RBM20: variants seen among roughly 807,000 people sequenced by gnomAD.
RBM20 encodes RNA binding motif protein 20, also known as RNA-binding protein 20.
In RBM20, 51 loss-of-function variants were observed where a neutral mutation model predicts 110.1. That is an observed-to-expected ratio of 0.46 (90% CI 0.37 to 0.59). The LOEUF (loss-of-function observed/expected upper bound fraction) is 0.59, where lower values mean the gene tolerates loss of function less well. Among genes scored for constraint, RBM20 ranks in the 20% least tolerant of loss-of-function variants. The pLI, the probability that RBM20 is intolerant of heterozygous loss-of-function variation, is 0.00. For synonymous variants in RBM20, 589 were observed against 618.2 expected (o/e 0.95, Z 0.70); for missense variants, 1,512 against 1,574.9 (o/e 0.96, Z 0.68).
At chr10:110,800,839 A>G (rs1480882349) in intron 7 of RBM20, among the ~76,000 whole-genome samples, 2 of 152,162 alleles carry the variant, frequency 1.3e-5, no homozygotes, top group Non-Finnish European at 1.5e-5. Flanking sequence ...GATGCCATCC[A>G]TGTTGTTGGG....
intron 1 of RBM20, chr10:110,756,670 T>C (rs1463041786): frequency 1.3e-5 from 2 of 152,222 alleles, no homozygotes; most frequent in African/African-American, 4.8e-5. Context: ...TGTTTAAGAC[T>C]TAGCAAAAGA....
At chr10:110,715,458 C>G (rs1356047469) in intron 1 of RBM20, among the ~76,000 whole-genome samples, 1 of 152,208 alleles carries the variant, frequency 6.6e-6, no homozygotes, top group Admixed American at 6.5e-5. Context: ...ATGGCTCAGG[C>G]CATCAAATGT....
intron 1 of RBM20, among the ~76,000 whole-genome samples, chr10:110,698,826 G>A (rs1337920887): frequency 6.6e-6 from 1 of 152,214 alleles, no homozygotes; most frequent in African/African-American, 2.4e-5. Flanking sequence ...GCTGGCAGAG[G>A]ATGGTGACCT....
intron 11 of RBM20, 86 bp downstream of exon 11, chr10:110,822,021 T>C: frequency 2.3e-6 from 3 of 1,312,394 alleles, no homozygotes; most frequent in Non-Finnish European, 3.2e-6. Context: ...CAGGCTGGAA[T>C]GAACATAAGT....
At chr10:110,691,427 T>G (rs1862584004) in intron 1 of RBM20, among the ~76,000 whole-genome samples, 1 of 152,216 alleles carries the variant, frequency 6.6e-6, no homozygotes, top group South Asian at 2.1e-4. Context: ...ATCTCTACAT[T>G]CTCAAACACA....
At chr10:110,793,419 A>G (rs765908532) in intron 5 of RBM20, among the ~76,000 whole-genome samples, 36 of 152,252 alleles carry the variant, frequency 2.4e-4, no homozygotes, top group Non-Finnish European at 3.7e-4. Flanking sequence ...AGACACACCA[A>G]TTAGACTTTC....
At chr10:110,828,763 C>G (rs1443862868) in intron 12 of RBM20, among the ~76,000 whole-genome samples, 3 of 152,106 alleles carry the variant, frequency 2.0e-5, no homozygotes, top group Non-Finnish European at 1.5e-5. Context: ...TTGGGTTTGC[C>G]TCTACATTCT....
At chr10:110,724,389 A>C (rs1169752131) in intron 1 of RBM20, among the ~76,000 whole-genome samples, 1 of 152,224 alleles carries the variant, frequency 6.6e-6, no homozygotes, top group Non-Finnish European at 1.5e-5. Flanking sequence ...CCTTTCAGCA[A>C]AATTGTGACT....
chr10:110,701,170 C>CG (rs1862752362), intron 1 of RBM20, among the ~76,000 whole-genome samples: 1 of 152,096 alleles, frequency 6.6e-6, no homozygotes, highest in South Asian at 2.1e-4. Flanking sequence ...CTGTGTGAGC[C>CG]GGGGGTTCCA....
chr10:110,683,696 C>T (rs1465298014), intron 1 of RBM20, among the ~76,000 whole-genome samples: 1 of 152,186 alleles, frequency 6.6e-6, no homozygotes, highest in Non-Finnish European at 1.5e-5. Flanking sequence ...ATCAAGACTT[C>T]CAATTCAACT....
intron 12 of RBM20, among the ~76,000 whole-genome samples, chr10:110,824,674 G>A (rs1844960949): frequency 6.6e-6 from 1 of 152,164 alleles, no homozygotes; most frequent in Non-Finnish European, 1.5e-5. Flanking sequence ...GGGAGTGAAG[G>A]CACTTTAAGA....
At chr10:110,827,279 G>T (rs919313529) in intron 12 of RBM20, among the ~76,000 whole-genome samples, 13 of 152,168 alleles carry the variant, frequency 8.5e-5, no homozygotes, top group African/African-American at 2.7e-4. Context: ...TACTTGGGAG[G>T]CTGAGGGAGG....
chr10:110,831,678 A>AAAAAC, intron 13 of RBM20, among the ~76,000 whole-genome samples: 1 of 143,836 alleles, frequency 7.0e-6, no homozygotes, highest in South Asian at 2.3e-4. Context: ...AAAAAAAAAA[A>AAAAAC]AAAAAAAAAA....
At chr10:110,697,293 T>C (rs535196417) in intron 1 of RBM20, among the ~76,000 whole-genome samples, 1 of 152,336 alleles carries the variant, frequency 6.6e-6, no homozygotes, top group Non-Finnish European at 1.5e-5. Context: ...TCCCTGGCTG[T>C]TCCCCACTGC....
Position 110,784,812 on chromosome 10 carries a change from A to G in RBM20, c.1450A>G (p.Thr484Ala). 6.4e-7 allele frequency: 1 copy of G among 1,550,518 alleles called. No individual in the cohort carries two copies. Among genetic ancestry groups the G allele is most frequent in the Non-Finnish European group, 8.7e-7 (1 of 1,145,876 alleles). The part of the protein sequence containing the change: ...GNEDYASNLG[T>A]SYVPIPARSF... ...TTTAGATTATGCCTCAAATCTTGGA[A>G]CATCATACGTGCCCATTCCAGCAAG... Residue 484 changes from threonine (T) to alanine (A), a missense_variant, in exon 5 of 14, where the codon ACA (threonine) becomes GCA (alanine). By Grantham distance (58) the Thr-to-Ala change is moderately conservative. Around this residue, in one of 3 missense-constraint regions of RBM20, gnomAD observed 1,149 missense variants for 1,169.4 expected, o/e 0.98. Coordinates refer to ENST00000369519, the MANE Select transcript of RBM20 (RefSeq NM_001134363.3).
intron 1 of RBM20, among the ~76,000 whole-genome samples, chr10:110,654,945 C>A (rs11195255): frequency 0.18 from 27,277 of 152,128 alleles, 3,395 homozygotes; most frequent in African/African-American, 0.34. Context: ...TTTACTTCAA[C>A]AATAATCCTG....
At chr10:110,805,158 C>T (rs1190117199) in intron 7 of RBM20, among the ~76,000 whole-genome samples, 1 of 152,052 alleles carries the variant, frequency 6.6e-6, no homozygotes, top group Admixed American at 6.6e-5. Context: ...TATTCTTGTG[C>T]AAAATTACAC....
chr10:110,709,593 A>G (rs768401386), intron 1 of RBM20, among the ~76,000 whole-genome samples: 150 of 137,370 alleles, frequency 1.1e-3, no homozygotes, highest in Non-Finnish European at 1.2e-3. Flanking sequence ...TTGGGATGGG[A>G]TCTTGCTTTG....
intron 1 of RBM20, among the ~76,000 whole-genome samples, chr10:110,740,549 C>T (rs948019038): frequency 6.6e-6 from 1 of 152,018 alleles, no homozygotes; most frequent in African/African-American, 2.4e-5. Context: ...GTTATGGACC[C>T]ACCAGAGAGA....
Sources: allele counts gnomAD v4.1 joint callset (sites outside exome capture counted in the v4.1 genomes callset), GRCh38; gene constraint gnomAD v4.1.1; regional missense constraint gnomAD v4.1.1; transcripts MANE v1.5; gene names NCBI Gene and HGNC (gene_info 2026-07-23, HGNC 2026-07-21).